ADCY9: variants seen among roughly 807,000 people sequenced by gnomAD.
The protein encoded by ADCY9 is adenylate cyclase type 9.
A neutral mutation model predicts 101.5 loss-of-function variants in ADCY9; 50 were observed. That is an observed-to-expected ratio of 0.49 (90% CI 0.39 to 0.62). The LOEUF is 0.62. Among genes scored for constraint, ADCY9 ranks in the 20% least tolerant of loss-of-function variants. The pLI is 0.00. For synonymous variants in ADCY9, 905 were observed against 769.3 expected, an observed-to-expected ratio of 1.18 and a Z score of -2.92; for missense variants, 1,662 against 1,800.4, an observed-to-expected ratio of 0.92 and a Z score of 1.39.
At chr16:4,039,362 C>G (rs919840695) in intron 2 of ADCY9, among the ~76,000 whole-genome samples, 6 of 152,072 alleles carry the variant, frequency 3.9e-5, no homozygotes, top group African/African-American at 1.4e-4. Context: ...AGTGTTCCAA[C>G]GACACTTTAA....
chr16:3,969,270 C>T (rs1216189676), intron 10 of ADCY9, among the ~76,000 whole-genome samples: 2 of 151,428 alleles, frequency 1.3e-5, no homozygotes, highest in Non-Finnish European at 1.5e-5. Context: ...TTTTTTGAGA[C>T]AGAGTCTCAC....
intron 2 of ADCY9, among the ~76,000 whole-genome samples, chr16:4,089,370 G>C (rs748554314): frequency 3.3e-5 from 5 of 152,058 alleles, no homozygotes; most frequent in Non-Finnish European, 5.9e-5. Context: ...CGTCCACGTT[G>C]TCACATGTAT....
chr16:4,030,005 G>C (rs2056544163), intron 2 of ADCY9, among the ~76,000 whole-genome samples: 1 of 152,168 alleles, frequency 6.6e-6, no homozygotes, highest in Non-Finnish European at 1.5e-5. Context: ...TGAGGATGCA[G>C]AGCCACCCAC....
intron 2 of ADCY9, among the ~76,000 whole-genome samples, chr16:4,079,949 G>A: frequency 6.6e-6 from 1 of 151,826 alleles, no homozygotes; most frequent in Non-Finnish European, 1.5e-5. Flanking sequence ...AAATAAGATG[G>A]TCACCCCCTT....
At chr16:3,976,062 G>A (rs2056090217) in intron 9 of ADCY9, among the ~76,000 whole-genome samples, 1 of 152,184 alleles carries the variant, frequency 6.6e-6, no homozygotes, top group East Asian at 1.9e-4. Context: ...CGCGATCTCG[G>A]TTCACTGCAA....
intron 3 of ADCY9, among the ~76,000 whole-genome samples, chr16:3,995,178 A>C (rs1431211037): frequency 6.6e-6 from 1 of 152,152 alleles, no homozygotes; most frequent in Non-Finnish European, 1.5e-5. Context: ...CTGTAATCCC[A>C]GCACTTTGGG....
intron 2 of ADCY9, among the ~76,000 whole-genome samples, chr16:4,054,371 T>C (rs2056722179): frequency 6.6e-6 from 1 of 151,414 alleles, no homozygotes; most frequent in African/African-American, 2.4e-5. Flanking sequence ...CTAAACAAAA[T>C]TCCCGATTTT....
At chr16:3,979,641 G>C (rs1320899356) in intron 7 of ADCY9, among the ~76,000 whole-genome samples, 1 of 152,272 alleles carries the variant, frequency 6.6e-6, no homozygotes, top group Non-Finnish European at 1.5e-5. Context: ...TGAGGCAGGA[G>C]GTCTTGACGG....
At chr16:4,100,321 T>G (rs78388360) in intron 2 of ADCY9, among the ~76,000 whole-genome samples, 2,156 of 152,124 alleles carry the variant, frequency 0.014, 20 homozygotes, top group Non-Finnish European at 0.02. Context: ...CAGTCTCAGG[T>G]AGCATCTTTT....
At chr16:3,980,987 G>C (rs1008670887) in intron 7 of ADCY9, among the ~76,000 whole-genome samples, 5 of 152,330 alleles carry the variant, frequency 3.3e-5, no homozygotes, top group African/African-American at 1.2e-4. Context: ...GAGGCGCCTG[G>C]CTTTCCTCCT....
chr16:4,000,234 C>G (rs1218061725), intron 3 of ADCY9, among the ~76,000 whole-genome samples: 1 of 152,218 alleles, frequency 6.6e-6, no homozygotes, highest in Admixed American at 6.5e-5. Context: ...AACCACGATG[C>G]AGGTACTATG....
chr16:4,106,262 A>G (rs1007571591), intron 2 of ADCY9, among the ~76,000 whole-genome samples: 7 of 152,302 alleles, frequency 4.6e-5, no homozygotes, highest in Middle Eastern at 3.4e-3. Flanking sequence ...GGTGTGGTTC[A>G]CTGGGTACAT....
At chr16:4,066,286 T>C (rs1394876380) in intron 2 of ADCY9, among the ~76,000 whole-genome samples, 1 of 152,234 alleles carries the variant, frequency 6.6e-6, no homozygotes, top group African/African-American at 2.4e-5. Context: ...TAAAAAACAC[T>C]TATTTTTCTC....
At chr16:4,034,976 G>A (rs995471610) in intron 2 of ADCY9, among the ~76,000 whole-genome samples, 15 of 152,198 alleles carry the variant, frequency 9.9e-5, no homozygotes, top group African/African-American at 3.4e-4. Flanking sequence ...AACACATCTG[G>A]CACAGCAGCT....
At chr16:4,061,955 A>G (rs1246472725) in intron 2 of ADCY9, among the ~76,000 whole-genome samples, 1 of 152,226 alleles carries the variant, frequency 6.6e-6, no homozygotes, top group African/African-American at 2.4e-5. Flanking sequence ...CAGAGGAGGT[A>G]GATAGACATA....
intron 2 of ADCY9, among the ~76,000 whole-genome samples, chr16:4,008,668 T>C (rs2056383620): frequency 6.6e-6 from 1 of 151,646 alleles, no homozygotes; most frequent in South Asian, 2.1e-4. Context: ...ACCTCCTGGG[T>C]TCAAGCAATT....
chr16:4,062,083 C>G (rs1222815124), intron 2 of ADCY9, among the ~76,000 whole-genome samples: 1 of 152,128 alleles, frequency 6.6e-6, no homozygotes, highest in Non-Finnish European at 1.5e-5. Context: ...CTTTGGGAGG[C>G]TGAGATGGAA....
intron 2 of ADCY9, among the ~76,000 whole-genome samples, chr16:4,111,443 C>T (rs1265692668): frequency 2.0e-5 from 3 of 152,156 alleles, no homozygotes; most frequent in Non-Finnish European, 4.4e-5. Context: ...AAACATCTGC[C>T]ACCAGCCCAA....
intron 10 of ADCY9, among the ~76,000 whole-genome samples, chr16:3,969,614 T>TATATATGCGTA (rs1567414929): frequency 1.2e-4 from 6 of 50,718 alleles, no homozygotes; most frequent in Non-Finnish European, 1.1e-4. Flanking sequence ...ATATATGTAT[T>TATATATGCGTA]TTTTTTTTTT....
Sources: allele counts gnomAD v4.1 joint callset (sites outside exome capture counted in the v4.1 genomes callset), GRCh38; gene constraint gnomAD v4.1.1; transcripts MANE v1.5; gene names NCBI Gene and HGNC (gene_info 2026-07-23, HGNC 2026-07-21).